Variants in LPIN1 observed in about 807,000 individuals in gnomAD.
LPIN1 encodes phosphatidate phosphatase LPIN1.
Under a neutral mutation model 107.5 loss-of-function variants are expected in LPIN1, and 71 were observed. The ratio of observed to expected loss-of-function variants is 0.66; its 90% CI spans 0.55 to 0.80. The LOEUF is 0.80. Ranked by LOEUF, LPIN1 falls within the 30% of genes least tolerant of loss-of-function variation. LPIN1 has a pLI of 0.00. For synonymous variants in LPIN1, 445 were observed against 452.6 expected, an observed-to-expected ratio of 0.98 and a Z score of 0.21; for missense variants, 1,043 against 1,160.6, an observed-to-expected ratio of 0.90 and a Z score of 1.47.
chr2:11,818,015 T>G (rs1680891824), intron 18 of LPIN1: 1 of 151,742 alleles, frequency 6.6e-6, no homozygotes, highest in South Asian at 2.1e-4. Context: ...AGCAAGTATC[T>G]GTGAACGTGT....
intron 1 of LPIN1, among the ~76,000 whole-genome samples, chr2:11,680,452 G>T (rs1278091097): frequency 6.6e-6 from 1 of 152,122 alleles, no homozygotes; most frequent in African/African-American, 2.4e-5. Flanking sequence ...TGCGTGAAAG[G>T]CCTGGTCTCT....
At chr2:11,696,764 A>G (rs961197123) in intron 1 of LPIN1, among the ~76,000 whole-genome samples, 1 of 152,228 alleles carries the variant, frequency 6.6e-6, no homozygotes, top group Non-Finnish European at 1.5e-5. Flanking sequence ...CCATGGCACC[A>G]CTGATCCCAG....
rs1485570579 is a variant in LPIN1 at position 11,773,694 on chromosome 2, C to G, written c.671C>G (p.Pro224Arg). 6 of 1,613,674 alleles carry G rather than the reference C, an allele frequency of 3.7e-6. No homozygotes were observed. The highest frequency in any genetic ancestry group is 5.1e-6 in the Non-Finnish European group (6 of 1,179,754). The change falls in exon 5 of 21, where the codon CCT (proline) becomes CGT (arginine). Residue 224 changes from proline to arginine, a missense_variant. Pro to Arg is a moderately radical substitution (Grantham distance 103). Transcript: ENST00000674199. ...AACCTCTCCCTGGCTGTGATTTACC[C>G]TCAGTCAGCCTCATACCCTAATTCG... is the stretch of plus-strand genomic sequence containing the variant. The part of the protein sequence containing the change: ...EENLSLAVIY[P>R]QSASYPNSDR...
chr2:11,690,189 T>G (rs1662200973), intron 1 of LPIN1, among the ~76,000 whole-genome samples: 1 of 152,232 alleles, frequency 6.6e-6, no homozygotes, highest in African/African-American at 2.4e-5. Context: ...TCCCAAACCT[T>G]TTGTCTCAGT....
intron 17 of LPIN1, among the ~76,000 whole-genome samples, chr2:11,808,352 G>C (rs1679072478): frequency 6.6e-6 from 1 of 152,182 alleles, no homozygotes; most frequent in Non-Finnish European, 1.5e-5. Flanking sequence ...TGGGAGACCT[G>C]TCAGGCTAAG....
intron 1 of LPIN1, chr2:11,682,082 T>C (rs1351733011): frequency 2.6e-5 from 4 of 152,388 alleles, no homozygotes; most frequent in African/African-American, 7.2e-5. Flanking sequence ...GGGGTGTTCG[T>C]TGTGGGTGAG....
chr2:11,806,558 C>T (rs1318243402), intron 17 of LPIN1, among the ~76,000 whole-genome samples: 5 of 151,842 alleles, frequency 3.3e-5, no homozygotes, highest in African/African-American at 1.2e-4. Flanking sequence ...TAGTGAGATT[C>T]CCCCCCATCT....
In LPIN1 at chr2:11,773,612, T is replaced by TC; in HGVS notation, c.597-6dup. ...TCTTTGACTTTAATCTTTTTTTTTT[T>TC]CCTCCAGAACTCTTCCTAATGATAT... On this transcript the variant is annotated splice_polypyrimidine_tract_variant and splice_region_variant and intron_variant, in intron 4 of 20. Transcript: ENST00000674199. 1 of 1,604,638 alleles carries TC rather than the reference T, an allele frequency of 6.2e-7. No individual in the cohort carries two copies. The highest frequency in any genetic ancestry group is 1.3e-5 in the African/African-American group (1 of 74,746).
chr2:11,799,111 C>T (rs1026412561), intron 14 of LPIN1, among the ~76,000 whole-genome samples: 14 of 152,266 alleles, frequency 9.2e-5, no homozygotes, highest in Non-Finnish European at 7.4e-5. Flanking sequence ...CAATCTGAGA[C>T]GTGGCAGCCG....
intron 1 of LPIN1, among the ~76,000 whole-genome samples, chr2:11,705,416 G>A (rs1308055459): frequency 2.0e-5 from 3 of 152,242 alleles, no homozygotes; most frequent in African/African-American, 7.2e-5. Context: ...CATCAGCTGA[G>A]TACGCAAACA....
intron 1 of LPIN1, among the ~76,000 whole-genome samples, chr2:11,738,084 A>G (rs1485011841): frequency 6.6e-6 from 1 of 152,204 alleles, no homozygotes; most frequent in Non-Finnish European, 1.5e-5. Flanking sequence ...TGTCCTTTGT[A>G]GGGGCATGGA....
At chr2:11,734,600 G>C (rs576139843) in intron 1 of LPIN1, among the ~76,000 whole-genome samples, 1 of 152,306 alleles carries the variant, frequency 6.6e-6, no homozygotes, top group South Asian at 2.1e-4. Flanking sequence ...CTTGGAGCAA[G>C]TCTCCTGCCA....
At chr2:11,804,707 G>A (rs1287746251) in intron 16 of LPIN1, 136 bp downstream of exon 16, 19 of 897,578 alleles carry the variant, frequency 2.1e-5, no homozygotes, top group Admixed American at 9.5e-5. Context: ...AGCTCCTTAC[G>A]TAGTTTCAGC....
rs150512354 is a variant in LPIN1, at chr2:11,701,730, G to A, written c.82-12026G>A. ...AGAAAAGTTAAATGACTAGGTCGAG[G>A]TCACACAGATAGTGCCTAGTGGGCC... is the stretch of plus-strand genomic sequence containing the variant. On this transcript the variant is annotated intron_variant, in intron 1 of 21. Coordinates refer to the LPIN1 transcript ENST00000449576. 2.0e-5 allele frequency among the ~76,000 whole-genome samples: 3 copies of A among 152,304 alleles called. No homozygotes were observed. The East Asian group carries it at 5.8e-4, about 29-fold the overall frequency.
At chr2:11,703,690 A>G (rs1176788451) in intron 1 of LPIN1, among the ~76,000 whole-genome samples, 1 of 151,822 alleles carries the variant, frequency 6.6e-6, no homozygotes, top group African/African-American at 2.4e-5. Flanking sequence ...TCATCATGAT[A>G]CAAATACATA....
intron 13 of LPIN1, among the ~76,000 whole-genome samples, chr2:11,793,922 A>G (rs918498762): frequency 1.3e-5 from 2 of 152,144 alleles, no homozygotes; most frequent in Admixed American, 6.5e-5. Context: ...GGTTCAGCAA[A>G]TATTTGTTGA....
intron 17 of LPIN1, among the ~76,000 whole-genome samples, chr2:11,809,017 G>A (rs1679199010): frequency 6.6e-6 from 1 of 152,124 alleles, no homozygotes; most frequent in South Asian, 2.1e-4. Flanking sequence ...CATGAGGAAT[G>A]ATCCATAAGG....
upstream of LPIN1, among the ~76,000 whole-genome samples, chr2:11,742,855 C>T (rs149541398): frequency 1.3e-5 from 2 of 152,376 alleles, no homozygotes; most frequent in Admixed American, 6.5e-5. Flanking sequence ...CGCCCACCAG[C>T]GGCCAGCCAC....
At chr2:11,759,718 G>A (rs1201209555) in intron 1 of LPIN1, among the ~76,000 whole-genome samples, 176 of 151,534 alleles carry the variant, frequency 1.2e-3, no homozygotes, top group Non-Finnish European at 2.4e-3. Context: ...ACGGGGTGGC[G>A]GCCGGGCAGA....
Sources: gnomAD v4.1 joint callset for allele counts (sites outside exome capture counted in the v4.1 genomes callset) on GRCh38, gnomAD v4.1.1 for gene constraint, MANE v1.5 for transcripts, NCBI Gene and HGNC (gene_info 2026-07-23, HGNC 2026-07-21) for gene names.